R3HDM2: variants seen among roughly 807,000 people sequenced by gnomAD.
R3HDM2 encodes the protein R3H domain-containing protein 2.
Under a neutral mutation model 124.5 loss-of-function variants are expected in R3HDM2, and 38 were observed. The observed-to-expected ratio is 0.31, with a 90% confidence interval of 0.24 to 0.40. The LOEUF (loss-of-function observed/expected upper bound fraction) is 0.40. R3HDM2 is among the 10% of genes least tolerant of loss of function. The pLI is 1.00. For missense variants in R3HDM2, 869 were observed against 1,236.9 expected, an observed-to-expected ratio of 0.70 and a Z score of 4.46; for synonymous variants, 391 against 448.0, an observed-to-expected ratio of 0.87 and a Z score of 1.61.
At chr12:57,336,195 A>G (rs927595005) in intron 2 of R3HDM2, among the ~76,000 whole-genome samples, 1 of 152,092 alleles carries the variant, frequency 6.6e-6, no homozygotes, top group African/African-American at 2.4e-5. Context: ...CTTATACACT[A>G]TTGATGGGAG....
intron 2 of R3HDM2, among the ~76,000 whole-genome samples, chr12:57,366,884 G>T (rs540683739): frequency 1.3e-5 from 2 of 152,156 alleles, no homozygotes; most frequent in East Asian, 3.9e-4. Flanking sequence ...TAGAGACAGG[G>T]TTTCACTGTG....
chr12:57,425,712 C>T (rs1012392425), intron 1 of R3HDM2, among the ~76,000 whole-genome samples: 14 of 152,040 alleles, frequency 9.2e-5, no homozygotes, highest in African/African-American at 2.9e-4. Flanking sequence ...GCAGAAGAAT[C>T]GCTTGAACCT....
intron 2 of R3HDM2, among the ~76,000 whole-genome samples, chr12:57,395,035 C>T (rs1023913015): frequency 3.3e-5 from 5 of 151,234 alleles, no homozygotes; most frequent in African/African-American, 9.7e-5. Context: ...TGGTGAAACC[C>T]GTCTCTACTA....
At chr12:57,401,795 C>T (rs1469360856) in intron 1 of R3HDM2, among the ~76,000 whole-genome samples, 1 of 152,012 alleles carries the variant, frequency 6.6e-6, no homozygotes, top group Non-Finnish European at 1.5e-5. Context: ...ACCAGCCTGG[C>T]CAACATGGTG....
At chr12:57,285,298 C>T (rs559103567) in intron 12 of R3HDM2, among the ~76,000 whole-genome samples, 2 of 152,192 alleles carry the variant, frequency 1.3e-5, no homozygotes, top group African/African-American at 4.8e-5. Flanking sequence ...ACTCCAAAGG[C>T]ACTGTAGGAA....
intron 2 of R3HDM2, chr12:57,341,361 TCAAGTCACAGAAGGAAGAACG>T: frequency 1.0e-6 from 1 of 960,812 alleles, no homozygotes; most frequent in Non-Finnish European, 1.2e-6. Context: ...GTTACCAACA[TCAAGTCACAGAAGGAAGAACG>T]CACCGCTTCA....
At chr12:57,336,396 G>A (rs1279298809) in intron 2 of R3HDM2, among the ~76,000 whole-genome samples, 1 of 152,008 alleles carries the variant, frequency 6.6e-6, no homozygotes, top group Non-Finnish European at 1.5e-5. Flanking sequence ...AGACGTGGTC[G>A]ATTTAGGTTT....
At chr12:57,342,947 C>A (rs962413253) in intron 2 of R3HDM2, among the ~76,000 whole-genome samples, 5 of 152,030 alleles carry the variant, frequency 3.3e-5, no homozygotes, top group African/African-American at 1.2e-4. Context: ...CTATTATTTG[C>A]CCCCAAAGGA....
At chr12:57,382,169 C>T (rs2064987394) in intron 2 of R3HDM2, among the ~76,000 whole-genome samples, 1 of 151,102 alleles carries the variant, frequency 6.6e-6, no homozygotes, top group Admixed American at 6.6e-5. Flanking sequence ...GGCTAGAGTG[C>T]AATGACACAA....
At chr12:57,303,722 C>T (rs554301454) in intron 3 of R3HDM2, among the ~76,000 whole-genome samples, 1 of 152,082 alleles carries the variant, frequency 6.6e-6, no homozygotes, top group South Asian at 2.1e-4. Flanking sequence ...GAGGAGGTTG[C>T]AGTGAGCCGA....
At chr12:57,385,304 G>A (rs1027637969) in intron 2 of R3HDM2, among the ~76,000 whole-genome samples, 30 of 147,204 alleles carry the variant, frequency 2.0e-4, no homozygotes, top group Non-Finnish European at 3.3e-4. Flanking sequence ...GTGCAATGGC[G>A]CAATCTGGCT....
At position 57,393,143 on chromosome 12, in the gene R3HDM2, G is replaced by A. The variant is rs548122966; in HGVS notation, c.-36+2606C>T. ...TCTTCAGAAGGAGTCTCGCTCTGTC[G>A]CCCAGGCTGGAGTGCAATGGTGCGA... On this transcript the variant is annotated intron_variant, in intron 2 of 23. Transcript: ENST00000402412. Among the ~76,000 whole-genome samples, 4 of 148,278 alleles carry A rather than the reference G, an allele frequency of 2.7e-5. No individual in the cohort carries two copies. The South Asian group carries it at 6.4e-4, about 24-fold the overall frequency.
chr12:57,405,380 T>C (rs2068436543), intron 1 of R3HDM2, among the ~76,000 whole-genome samples: 1 of 152,218 alleles, frequency 6.6e-6, no homozygotes, highest in Admixed American at 6.6e-5. Context: ...GGCTCATGCC[T>C]GTAATCTCAG....
chr12:57,340,317 T>C (rs2059403878), intron 2 of R3HDM2, among the ~76,000 whole-genome samples: 1 of 152,206 alleles, frequency 6.6e-6, no homozygotes, highest in South Asian at 2.1e-4. Context: ...ATGAGGGTTG[T>C]CCACCACAGG....
At chr12:57,277,981 A>C (rs2045239816) in intron 14 of R3HDM2, among the ~76,000 whole-genome samples, 1 of 152,198 alleles carries the variant, frequency 6.6e-6, no homozygotes, top group Admixed American at 6.5e-5. Context: ...AAAAAAATAA[A>C]GAGGAAGGGT....
At chr12:57,336,043 TGA>T (rs1216419891) in intron 2 of R3HDM2, among the ~76,000 whole-genome samples, 1 of 151,860 alleles carries the variant, frequency 6.6e-6, no homozygotes, top group Non-Finnish European at 1.5e-5. Context: ...ACACCCACAA[TGA>T]GATACCATAC....
At chr12:57,282,243 G>A (rs781584630) in intron 13 of R3HDM2, among the ~76,000 whole-genome samples, 8 of 151,724 alleles carry the variant, frequency 5.3e-5, no homozygotes, top group South Asian at 4.2e-4. Flanking sequence ...CCCGGGAGGC[G>A]GAGGTTGCAG....
chr12:57,288,503 G>A (rs1051354430), intron 12 of R3HDM2, among the ~76,000 whole-genome samples: 1 of 151,774 alleles, frequency 6.6e-6, no homozygotes, highest in Admixed American at 6.6e-5. Context: ...ATTCAGAAAA[G>A]GTTAGCCAGA....
At chr12:57,294,207 G>A (rs929774542) in intron 10 of R3HDM2, among the ~76,000 whole-genome samples, 7 of 152,218 alleles carry the variant, frequency 4.6e-5, no homozygotes, top group East Asian at 1.9e-4. Flanking sequence ...TGTTATTAAC[G>A]TCACAGACAG....
Sources: gnomAD v4.1 joint callset for allele counts (sites outside exome capture counted in the v4.1 genomes callset) on GRCh38, gnomAD v4.1.1 for gene constraint, MANE v1.5 for transcripts, NCBI Gene and HGNC (gene_info 2026-07-23, HGNC 2026-07-21) for gene names.